Variants in EPM2A observed in about 807,000 individuals in gnomAD.
EPM2A encodes EPM2A glucan phosphatase, laforin, also known as laforin.
A neutral mutation model predicts 26.5 loss-of-function variants in EPM2A; 21 were observed. The ratio of observed to expected loss-of-function variants is 0.79; its 90% CI spans 0.56 to 1.14. The LOEUF is 1.14. EPM2A is among the 50% of genes most tolerant of loss of function. The pLI, the probability that EPM2A is intolerant of heterozygous loss-of-function variation, is 0.00. For missense variants in EPM2A, 458 were observed against 440.8 expected, an observed-to-expected ratio of 1.04 and a Z score of -0.35; for synonymous variants, 217 against 177.6, an observed-to-expected ratio of 1.22 and a Z score of -1.76.
intron 2 of EPM2A, among the ~76,000 whole-genome samples, chr6:145,559,246 A>T (rs1291610481): frequency 6.6e-6 from 1 of 152,126 alleles, no homozygotes; most frequent in Non-Finnish European, 1.5e-5. Context: ...GAAGGTGAAC[A>T]GGCAATGCCT....
chr6:145,709,278 GA>G (rs1782403554), intron 1 of EPM2A, among the ~76,000 whole-genome samples: 1 of 152,170 alleles, frequency 6.6e-6, no homozygotes, highest in South Asian at 2.1e-4. Flanking sequence ...GGCCAGGGCA[GA>G]AGGATATGGT....
At chr6:145,551,108 T>G (rs770190457) in intron 2 of EPM2A, among the ~76,000 whole-genome samples, 3 of 152,058 alleles carry the variant, frequency 2.0e-5, no homozygotes, top group Non-Finnish European at 2.9e-5. Context: ...TAAAATATGG[T>G]ATAATAAAAT....
intron 4 of EPM2A, among the ~76,000 whole-genome samples, chr6:145,480,907 A>T (rs1371364120): frequency 6.6e-6 from 1 of 152,108 alleles, no homozygotes; most frequent in East Asian, 1.9e-4. Flanking sequence ...GGTGATCTTT[A>T]ATAATGAGCT....
chr6:145,570,369 C>T (rs1253973564), intron 2 of EPM2A, among the ~76,000 whole-genome samples: 1 of 152,182 alleles, frequency 6.6e-6, no homozygotes, highest in Non-Finnish European at 1.5e-5. Context: ...CTATCCTTCA[C>T]ACAACTGAAA....
intron 1 of EPM2A, among the ~76,000 whole-genome samples, chr6:145,726,359 C>T (rs1236800350): frequency 2.0e-5 from 3 of 152,004 alleles, no homozygotes; most frequent in African/African-American, 7.2e-5. Flanking sequence ...AGAGACAAAT[C>T]CTCCATATAA....
intron 2 of EPM2A, among the ~76,000 whole-genome samples, chr6:145,646,716 T>C (rs76088909): frequency 0.015 from 2,255 of 152,280 alleles, 62 homozygotes; most frequent in African/African-American, 0.051. Flanking sequence ...CTGTCATCTA[T>C]ATGCTGGTAA....
At chr6:145,682,993 A>C (rs550109437) in intron 2 of EPM2A, among the ~76,000 whole-genome samples, 1 of 152,308 alleles carries the variant, frequency 6.6e-6, no homozygotes, top group African/African-American at 2.4e-5. Flanking sequence ...AGCATTATAC[A>C]TTGTCAGATG....
chr6:145,412,991 G>A (rs1778663130), intron 4 of EPM2A, among the ~76,000 whole-genome samples: 1 of 152,106 alleles, frequency 6.6e-6, no homozygotes, highest in African/African-American at 2.4e-5. Context: ...ATGTGAAGGA[G>A]TCTATGGTAA....
intron 2 of EPM2A, among the ~76,000 whole-genome samples, chr6:145,657,176 G>A (rs184774472): frequency 1.4e-3 from 199 of 143,936 alleles, no homozygotes; most frequent in African/African-American, 4.8e-3. Flanking sequence ...TGCAACCTCC[G>A]CCTCCTGGGT....
At chr6:145,551,142 T>C (rs1057430537) in intron 2 of EPM2A, among the ~76,000 whole-genome samples, 4 of 152,082 alleles carry the variant, frequency 2.6e-5, no homozygotes, top group Non-Finnish European at 5.9e-5. Context: ...CTGTTTTCAA[T>C]GATATGACAG....
At chr6:145,673,952 C>A (rs1248227304) in intron 2 of EPM2A, among the ~76,000 whole-genome samples, 1 of 152,172 alleles carries the variant, frequency 6.6e-6, no homozygotes, top group Non-Finnish European at 1.5e-5. Context: ...GTTCTCCCAG[C>A]ATTTGAGCAC....
Position 145,735,190 on chromosome 6 carries a change from G to A in EPM2A, c.301+8C>T. 2.0e-6 allele frequency: 3 copies of A among 1,501,286 alleles called. No homozygotes were observed. The highest frequency in any genetic ancestry group is 2.7e-6 in the Non-Finnish European group (3 of 1,120,272). The allele number at this position is 1,501,286 out of a possible 1,614,324, so 93.0% of individuals were successfully genotyped here. On this transcript the variant is annotated splice_region_variant and intron_variant, in intron 1 of 3. Transcript: ENST00000367519. The stretch of plus-strand genomic sequence containing the variant: ...TCTGCGCCGGGGGCAGGCGTCTGCT[G>A]GCAATACCTTCCCAGGAGAGCTCTC...
At chr6:145,443,236 C>T (rs1052257800) in intron 4 of EPM2A, among the ~76,000 whole-genome samples, 1 of 152,086 alleles carries the variant, frequency 6.6e-6, no homozygotes, top group African/African-American at 2.4e-5. Flanking sequence ...TCCATATGAA[C>T]CTTAGAATAC....
chr6:145,461,445 T>C (rs1311809172), intron 4 of EPM2A, among the ~76,000 whole-genome samples: 1 of 152,142 alleles, frequency 6.6e-6, no homozygotes, highest in African/African-American at 2.4e-5. Flanking sequence ...GAAACACAGA[T>C]GATGAGATTG....
intron 1 of EPM2A, among the ~76,000 whole-genome samples, chr6:145,703,085 A>G (rs1782011638): frequency 7.0e-6 from 1 of 142,302 alleles, no homozygotes; most frequent in South Asian, 2.2e-4. Context: ...AATTTGATAA[A>G]CATGTTTCTT....
At chr6:145,639,307 C>T (rs1445439723) in intron 2 of EPM2A, 1 of 152,184 alleles carries the variant, frequency 6.6e-6, no homozygotes, top group Non-Finnish European at 1.5e-5. Context: ...AGGGTATTGA[C>T]ACTCAGTCAG....
Position 145,671,173 on chromosome 6 carries a change from G to A in EPM2A, c.476+14949C>T, listed in dbSNP as rs150767809. The A allele has an allele frequency of 3.0e-6, 3 of 1,008,812 alleles. No homozygotes were observed. The East Asian group carries it at 3.0e-4, about 102-fold the overall frequency. The allele number at this position is 1,008,812 out of a possible 1,614,324, so 62.5% of individuals were successfully genotyped here. Reference sequence around the variant, plus strand: ...CCAAAAAAGATTCTTGTCGAAGTTTGATTTATAAATGCGAGCAAAGTAAAA... The same window carrying A: ...CCAAAAAAGATTCTTGTCGAAGTTTAATTTATAAATGCGAGCAAAGTAAAA... On this transcript the variant is annotated intron_variant, in intron 2 of 3. Transcript: ENST00000367519.
chr6:145,681,632 C>G (rs1780544579), intron 2 of EPM2A, among the ~76,000 whole-genome samples: 1 of 151,350 alleles, frequency 6.6e-6, no homozygotes, highest in Non-Finnish European at 1.5e-5. Flanking sequence ...TTTCCCAGCA[C>G]CATTTATTAA....
At chr6:145,525,828 G>C (rs1364229205) in intron 2 of EPM2A, among the ~76,000 whole-genome samples, 1 of 152,024 alleles carries the variant, frequency 6.6e-6, no homozygotes, top group Admixed American at 6.6e-5. Flanking sequence ...CTAATACTAT[G>C]ATGAGTAGGA....
Sources: allele counts gnomAD v4.1 joint callset (sites outside exome capture counted in the v4.1 genomes callset), GRCh38; gene constraint gnomAD v4.1.1; transcripts MANE v1.5; gene names NCBI Gene and HGNC (gene_info 2026-07-23, HGNC 2026-07-21).